SEPTIN4: variants seen among roughly 807,000 people sequenced by gnomAD.
The protein encoded by SEPTIN4 is septin-4.
SEPTIN4 carries 52 observed loss-of-function variants against 107.1 expected under a neutral mutation model. The observed-to-expected ratio is 0.49, with a 90% CI of 0.39 to 0.61. The LOEUF (loss-of-function observed/expected upper bound fraction) is 0.61, where lower values mean the gene tolerates loss of function less well. SEPTIN4 is among the 20% of genes least tolerant of loss of function. The pLI is 0.00. For missense variants in SEPTIN4, 1,048 were observed against 1,243.5 expected, an observed-to-expected ratio of 0.84 and a Z score of 2.36; for synonymous variants, 417 against 467.0, an observed-to-expected ratio of 0.89 and a Z score of 1.38.
At chr17:58,542,546 G>A in intron 1 of SEPTIN4, 80 bp downstream of exon 1, 1 of 1,510,450 alleles carries the variant, frequency 6.6e-7, no homozygotes, top group South Asian at 1.3e-5. Flanking sequence ...CCAGAATGAA[G>A]AGGTGGTCTT....
At position 58,525,706 on chromosome 17, in the gene SEPTIN4, A is replaced by G. The variant is rs2042775874; in HGVS notation, c.2081T>C (p.Leu694Pro). 3 of 1,613,962 alleles carry G rather than the reference A, an allele frequency of 1.9e-6. No homozygotes were observed. Among genetic ancestry groups the G allele is most frequent in the Admixed American group, 1.7e-5 (1 of 59,998 alleles). ...TCTCCTTTCCTTACCTTCAGCACCA[A>G]GAAGTTTCCGGTCCCGGTACAGATC... ...LTDLYRDRKL[L>P]GAEERIMQTV... is the part of the protein sequence containing the mutation. The change falls in exon 6 of 14, where the codon CTT (leucine) becomes CCT (proline). Residue 694 changes from leucine to proline, a missense_variant. Transcript: ENST00000672673.
chr17:58,526,789 GC>G lies in SEPTIN4; in HGVS notation c.1803del (p.Gln603SerfsTer55). The G allele has an allele frequency of 6.2e-7, 1 of 1,613,786 alleles. No homozygotes were observed. The highest frequency in any genetic ancestry group is 8.5e-7 in the Non-Finnish European group (1 of 1,179,920). On this transcript the variant is annotated frameshift_variant, in exon 4 of 14. Transcript: ENST00000672673. LOFTEE classifies it high-confidence loss of function. ...TACTGCTGGTTGTCAGAGGACTGGGGCCGCGAGGGGGGTCTGAACTCCAGGT... is the reference window on the plus strand; with the variant it reads ...TACTGCTGGTTGTCAGAGGACTGGGGCGCGAGGGGGGTCTGAACTCCAGGT... ...DDDLEFRPPSRPQSSDNQQYF... is the reference protein window; with the variant it reads ...DDDLEFRPPSXPQSSDNQQYF...
At position 58,520,316 on chromosome 17, in the gene SEPTIN4, T is replaced by C. The variant is rs568273848; in HGVS notation, c.*110A>G. ...AGTCTCTGGGCAGTCAGCAGGGATG[T>C]AAGGCGAAGTGGCAGTAGCTGAAGG... On this transcript the variant is annotated 3_prime_UTR_variant, in exon 14 of 14. Transcript: ENST00000672673. 2 of 944,988 alleles carry C rather than the reference T, an allele frequency of 2.1e-6. No individual in the cohort carries two copies. The highest frequency in any genetic ancestry group is 3.3e-5 in the African/African-American group (2 of 60,928). The allele number at this position is 944,988 out of a possible 1,614,324, so 58.5% of individuals were successfully genotyped here.
chr17:58,521,786 C>T lies in SEPTIN4; in HGVS notation c.2419G>A (p.Ala807Thr), dbSNP rs1307565749. 2.5e-6 allele frequency: 4 copies of T among 1,614,100 alleles called. No homozygotes were observed. The highest frequency in any genetic ancestry group is 3.4e-6 in the Non-Finnish European group (4 of 1,180,048). Residue 807 changes from alanine to threonine, a missense_variant, in exon 9 of 14, where the codon GCT becomes ACT. Around this residue, in one of 2 missense-constraint regions of SEPTIN4, gnomAD observed 261 missense variants for 371.7 expected, o/e 0.70. Transcript: ENST00000672673. This position sits in a 1 kb window ranked among gnomAD's most constrained non-coding sequence, Gnocchi z 6.4. ...HQRVNIVPILAKADTLTPPEV... is the reference protein window; with the variant it reads ...HQRVNIVPILTKADTLTPPEV... ...GGAGGTGTCAGTGTGTCTGCCTTAGCCAGGATAGGCACGATGTTGACCCGC... is the reference window on the plus strand; with the variant it reads ...GGAGGTGTCAGTGTGTCTGCCTTAGTCAGGATAGGCACGATGTTGACCCGC...
intron 2 of SEPTIN4, chr17:58,541,721 G>T: frequency 6.9e-7 from 1 of 1,457,134 alleles, no homozygotes. Context: ...CTTGAAAATG[G>T]AAAAGGTTCC....
chr17:58,542,636 A>G lies in SEPTIN4; in HGVS notation c.1551T>C (p.Ala517=). The part of the protein sequence containing the change: ...TCKQPIQRFT[A]FFLDVSEEMY... ...TGCTTCTTCACATACCCAGGAAGAA[A>G]GCAGTAAACCTTTGAATGGGTTGTT... The change falls in exon 1 of 14, where the codon GCT becomes GCC. Residue 517 remains alanine, a synonymous_variant. Transcript: ENST00000672673. 6.2e-7 allele frequency: 1 copy of G among 1,610,264 alleles called. No homozygotes were observed. Among genetic ancestry groups the G allele is most frequent in the East Asian group, 2.2e-5 (1 of 44,868 alleles).
chr17:58,526,666 G>T lies in SEPTIN4; in HGVS notation c.1911+16C>A. 6.5e-7 allele frequency: 1 copy of T among 1,548,188 alleles called. No individual in the cohort carries two copies. Among genetic ancestry groups the T allele is most frequent in the South Asian group, 1.3e-5 (1 of 78,718 alleles). On this transcript the variant is annotated intron_variant, in intron 4 of 13. Transcript: ENST00000672673. ...AGCAGCCCACTGAAAGGCAAAGGCAGGGCTGGAGGCTCTACCTCAGAGGAA... is the reference window on the plus strand; with the variant it reads ...AGCAGCCCACTGAAAGGCAAAGGCATGGCTGGAGGCTCTACCTCAGAGGAA...
rs754367295 is a variant in SEPTIN4 at position 58,521,607 on chromosome 17, G to A, written c.2509C>T (p.Gln837Ter). The change falls in exon 10 of 14, where the codon CAA becomes TAA. Residue 837 changes from glutamine to a stop codon, truncating the protein, a stop_gained. Coordinates refer to ENST00000672673, the MANE Select transcript of SEPTIN4 (RefSeq NM_001368771.2). LOFTEE classifies it high-confidence loss of function. The surrounding 1 kb of genome is among the most constrained non-coding windows in gnomAD (Gnocchi z 6.4). Reference sequence around the variant, plus strand: ...TCATCAGAGTCACAGTCTGGGAATTGATAGATCTTGATTCCAAAATGCTCA... The same window carrying A: ...TCATCAGAGTCACAGTCTGGGAATTAATAGATCTTGATTCCAAAATGCTCA... Reference protein sequence around the residue: ...EIEHFGIKIYQFPDCDSDEDE... With the variant: ...EIEHFGIKIY 6.2e-7 allele frequency: 1 copy of A among 1,614,212 alleles called. No individual in the cohort carries two copies. The highest frequency in any genetic ancestry group is 8.5e-7 in the Non-Finnish European group (1 of 1,180,044).
chr17:58,529,109 C>T (rs1041611956), intron 3 of SEPTIN4: 1 of 1,614,188 alleles, frequency 6.2e-7, no homozygotes, highest in Non-Finnish European at 8.5e-7. Context: ...CAGAGCAGCA[C>T]CTTACCCCAG....
chr17:58,523,610 C>T (rs1010539678), intron 7 of SEPTIN4, among the ~76,000 whole-genome samples: 1 of 151,864 alleles, frequency 6.6e-6, no homozygotes, highest in African/African-American at 2.4e-5. Flanking sequence ...GGATAGGAAT[C>T]ATTCATGCTT....
chr17:58,526,763 G>A lies in SEPTIN4; in HGVS notation c.1830C>T (p.Tyr610=), dbSNP rs2042944630. 6.2e-7 allele frequency: 1 copy of A among 1,613,616 alleles called. No individual in the cohort carries two copies. The highest frequency in any genetic ancestry group is 8.5e-7 in the Non-Finnish European group (1 of 1,179,914). The change falls in exon 4 of 14, where the codon TAC becomes TAT. Residue 610 remains tyrosine, a synonymous_variant. Coordinates refer to ENST00000672673, the MANE Select transcript of SEPTIN4 (RefSeq NM_001368771.2). ...SRPQSSDNQQ[Y]FCAPAPLSPS... ...GGCTGAGAGGGGCTGGGGCACAGAA[G>A]TACTGCTGGTTGTCAGAGGACTGGG...
rs548030757 is a variant in SEPTIN4, at chr17:58,539,942, T to C, written c.1614+724A>G. Among the ~76,000 whole-genome samples, 4 of 152,300 alleles carry C rather than the reference T, an allele frequency of 2.6e-5. No individual in the cohort carries two copies. In the South Asian group the frequency reaches 8.3e-4, roughly 32 times the overall value. ...CTTCAGCTGTTCCATTATCTGAGCT[T>C]AGGCTGACCCCCACTATGCACTCAT... On this transcript the variant is annotated intron_variant, in intron 3 of 13. Coordinates refer to ENST00000672673, the MANE Select transcript of SEPTIN4 (RefSeq NM_001368771.2).
intron 3 of SEPTIN4, 29 bp from the exon 4 acceptor site, chr17:58,527,007 T>G (rs751932342): frequency 6.2e-7 from 1 of 1,613,004 alleles, no homozygotes; most frequent in East Asian, 2.2e-5. Flanking sequence ...GTAGAATAGA[T>G]GGGTGGTGCC....
In SEPTIN4 at chr17:58,543,461, C is replaced by T. The variant is rs144774154; in HGVS notation, c.726G>A (p.Arg242=). The change falls in exon 1 of 14, where the codon AGG becomes AGA. Residue 242 remains arginine (R), a synonymous_variant. Coordinates refer to ENST00000672673, the MANE Select transcript of SEPTIN4 (RefSeq NM_001368771.2). ...VSADYQTAQR[R]VPVEESETGP... Reference sequence around the variant, plus strand: ...CTGTTTCTGATTCTTCTACAGGGACCCTTCTCTGGGCTGTCTGATAGTCTG... The same window carrying T: ...CTGTTTCTGATTCTTCTACAGGGACTCTTCTCTGGGCTGTCTGATAGTCTG... The T allele has an allele frequency of 6.8e-4, 1,093 of 1,614,172 alleles. 2 individuals carry two copies. Among genetic ancestry groups the T allele is most frequent in the Middle Eastern group, 2.0e-3 (12 of 6,062 alleles).
intron 3 of SEPTIN4, chr17:58,539,066 C>T (rs1299410165): frequency 1.5e-6 from 2 of 1,311,470 alleles, no homozygotes; most frequent in Non-Finnish European, 2.1e-6. Context: ...GAGCCTAGCT[C>T]TCTCATGCAT....
intron 3 of SEPTIN4, chr17:58,539,097 TCC>T: frequency 1.3e-6 from 2 of 1,510,934 alleles, no homozygotes; most frequent in South Asian, 2.4e-5. Context: ...CTGGCCCATC[TCC>T]ATGCCATCCT....
At chr17:58,539,285 T>A in intron 3 of SEPTIN4, 1 of 872,388 alleles carries the variant, frequency 1.1e-6, no homozygotes, top group Non-Finnish European at 1.7e-6. Context: ...CTTCCTAAAC[T>A]AAAACAAGAT....
At chr17:58,520,684 G>C in intron 13 of SEPTIN4, 59 bp downstream of exon 13, 1 of 1,602,228 alleles carries the variant, frequency 6.2e-7, no homozygotes, top group South Asian at 1.1e-5. Context: ...ACCAAACAAA[G>C]AGATACCAAC....
In SEPTIN4 at chr17:58,520,299, G is replaced by C; in HGVS notation, c.*127C>G. 1 of 763,998 alleles carries C rather than the reference G, an allele frequency of 1.3e-6. No homozygotes were observed. Among genetic ancestry groups the C allele is most frequent in the South Asian group, 1.7e-5 (1 of 59,740 alleles). 47.3% of individuals were successfully genotyped at this position (763,998 alleles called of 1,614,324 possible). ...AAACTTTATTTCCTCTGAGTCTCTG[G>C]GCAGTCAGCAGGGATGTAAGGCGAA... On this transcript the variant is annotated 3_prime_UTR_variant, in exon 14 of 14. Transcript: ENST00000672673.
Sources: allele counts gnomAD v4.1 joint callset (sites outside exome capture counted in the v4.1 genomes callset), GRCh38; gene constraint gnomAD v4.1.1; regional missense constraint gnomAD v4.1.1; non-coding constraint Gnocchi (gnomAD v3.1); transcripts MANE v1.5; gene names NCBI Gene and HGNC (gene_info 2026-07-23, HGNC 2026-07-21).